PDE3A: variants seen among roughly 807,000 people sequenced by gnomAD.
The protein encoded by PDE3A is phosphodiesterase 3A.
In PDE3A, 43 loss-of-function variants were observed where a neutral mutation model predicts 98.3. That is an observed-to-expected ratio of 0.44 (90% CI 0.34 to 0.56). PDE3A has a LOEUF of 0.56. PDE3A is among the 20% of genes least tolerant of loss of function. The pLI, the probability that PDE3A is intolerant of heterozygous loss-of-function variation, is 0.01. For missense variants in PDE3A, 1,427 were observed against 1,440.7 expected (o/e 0.99, Z 0.15); for synonymous variants, 663 against 567.9 (o/e 1.17, Z -2.38).
At chr12:20,404,826 GTTTT>G (rs60736941) in intron 1 of PDE3A, among the ~76,000 whole-genome samples, 32 of 95,076 alleles carry the variant, frequency 3.4e-4, no homozygotes, top group African/African-American at 1.2e-3. Flanking sequence ...AGGTTACAGA[GTTTT>G]TTTTTTTTTT....
intron 1 of PDE3A, among the ~76,000 whole-genome samples, chr12:20,547,061 G>A (rs1292439034): frequency 6.6e-6 from 1 of 151,930 alleles, no homozygotes; most frequent in Non-Finnish European, 1.5e-5. Context: ...TCCTGCTCCC[G>A]CCTCAGAGCC....
chr12:20,465,964 C>T (rs921198920), intron 1 of PDE3A, among the ~76,000 whole-genome samples: 13 of 152,234 alleles, frequency 8.5e-5, no homozygotes, highest in African/African-American at 2.6e-4. Flanking sequence ...TAAGAAACCA[C>T]GTTTCAATGG....
chr12:20,615,789 G>A (rs1212608341), intron 3 of PDE3A, among the ~76,000 whole-genome samples: 5 of 151,884 alleles, frequency 3.3e-5, no homozygotes, highest in African/African-American at 9.7e-5. Context: ...GCAGTGGTGT[G>A]ATCTCAGCTC....
At chr12:20,444,130 GC>G (rs1565551194) in intron 1 of PDE3A, among the ~76,000 whole-genome samples, 1 of 152,128 alleles carries the variant, frequency 6.6e-6, no homozygotes, top group African/African-American at 2.4e-5. Context: ...GATACAGCAT[GC>G]CATTCCTTTC....
intron 1 of PDE3A, among the ~76,000 whole-genome samples, chr12:20,388,662 G>C (rs1005665967): frequency 6.6e-6 from 1 of 151,990 alleles, no homozygotes; most frequent in African/African-American, 2.4e-5. Context: ...TTTGTTTAAA[G>C]TAATGAGCAT....
intron 1 of PDE3A, among the ~76,000 whole-genome samples, chr12:20,461,967 A>G (rs1330001723): frequency 1.3e-5 from 2 of 152,352 alleles, no homozygotes; most frequent in South Asian, 4.1e-4. Context: ...AGGAAAAGAG[A>G]TGAAGTGACG....
intron 4 of PDE3A, among the ~76,000 whole-genome samples, chr12:20,618,059 A>C (rs947528341): frequency 6.6e-6 from 1 of 152,140 alleles, no homozygotes; most frequent in Non-Finnish European, 1.5e-5. Context: ...AAATACTCGT[A>C]GATGTCTTGT....
intron 10 of PDE3A, among the ~76,000 whole-genome samples, chr12:20,641,629 A>G (rs74528726): frequency 1.3e-5 from 2 of 152,172 alleles, no homozygotes; most frequent in Non-Finnish European, 2.9e-5. Context: ...CTCCATAGAC[A>G]TAACTACCAA....
chr12:20,502,297 T>C (rs950350059), intron 1 of PDE3A, among the ~76,000 whole-genome samples: 1 of 152,144 alleles, frequency 6.6e-6, no homozygotes, highest in Non-Finnish European at 1.5e-5. Context: ...TCACTTAAGG[T>C]ATGAGTCTCA....
At chr12:20,508,419 T>G (rs575413965) in intron 1 of PDE3A, among the ~76,000 whole-genome samples, 10 of 152,058 alleles carry the variant, frequency 6.6e-5, no homozygotes, top group East Asian at 1.9e-4. Context: ...TGGTTTGTTT[T>G]TTTTTTTTAG....
At chr12:20,651,491 A>G (rs747565877) in intron 14 of PDE3A, among the ~76,000 whole-genome samples, 2 of 152,252 alleles carry the variant, frequency 1.3e-5, no homozygotes, top group African/African-American at 2.4e-5. Context: ...AAGATAAATT[A>G]TATAACATAC....
intron 1 of PDE3A, among the ~76,000 whole-genome samples, chr12:20,385,983 T>TATATATATATAAATATATATATA (rs1943752680): frequency 8.6e-5 from 6 of 69,902 alleles, no homozygotes; most frequent in African/African-American, 3.0e-4. Context: ...TATTAATATA[T>TATATATATATAAATATATATATA]AATATATATA....
At chr12:20,536,356 GT>G (rs1360893955) in intron 1 of PDE3A, among the ~76,000 whole-genome samples, 3 of 151,988 alleles carry the variant, frequency 2.0e-5, no homozygotes, top group African/African-American at 7.2e-5. Context: ...GTGTGTGTGT[GT>G]GTGCATAGAG....
intron 14 of PDE3A, among the ~76,000 whole-genome samples, chr12:20,652,459 T>C (rs1318901560): frequency 2.6e-5 from 4 of 152,194 alleles, no homozygotes; most frequent in African/African-American, 9.6e-5. Flanking sequence ...ATGATTGCCA[T>C]TCTAACTGGT....
At chr12:20,479,782 C>T (rs1009737678) in intron 1 of PDE3A, among the ~76,000 whole-genome samples, 13 of 152,078 alleles carry the variant, frequency 8.5e-5, no homozygotes, top group Admixed American at 7.9e-4. Flanking sequence ...ACTCATTGCT[C>T]GAAATCTTCT....
intron 1 of PDE3A, among the ~76,000 whole-genome samples, chr12:20,507,440 T>C (rs1946139939): frequency 6.6e-6 from 1 of 152,040 alleles, no homozygotes; most frequent in Admixed American, 6.6e-5. Context: ...CAGTGAATGC[T>C]TTACATCCCT....
intron 2 of PDE3A, among the ~76,000 whole-genome samples, chr12:20,598,944 C>T (rs1322296962): frequency 6.6e-6 from 1 of 152,198 alleles, no homozygotes; most frequent in East Asian, 1.9e-4. Flanking sequence ...TAATCTTCCT[C>T]AAGCACTGCA....
intron 2 of PDE3A, among the ~76,000 whole-genome samples, chr12:20,605,794 C>CTTG (rs1943696229): frequency 6.6e-6 from 1 of 152,180 alleles, no homozygotes; most frequent in African/African-American, 2.4e-5. Context: ...AACCTATCTT[C>CTTG]AAGTTTCATG....
Position 20,485,287 on chromosome 12 carries a change from A to G in PDE3A, c.961-71373A>G, listed in dbSNP as rs534836795. 3.3e-5 allele frequency among the ~76,000 whole-genome samples: 5 copies of G among 152,126 alleles called. No individual in the cohort carries two copies. The East Asian group carries it at 9.7e-4, about 30-fold the overall frequency. On this transcript the variant is annotated intron_variant, in intron 1 of 15. Transcript: ENST00000359062. ...GCATTCTTCCCATGCCTCTTTTTAT[A>G]TGTCTGTCTCTGAATCCAAATTTCT...
Sources: allele counts gnomAD v4.1 joint callset (sites outside exome capture counted in the v4.1 genomes callset), GRCh38; gene constraint gnomAD v4.1.1; transcripts MANE v1.5; gene names NCBI Gene and HGNC (gene_info 2026-07-23, HGNC 2026-07-21).